The following FAM171B variants were observed in gnomAD, a reference collection of about 807,000 sequenced individuals.
FAM171B encodes protein FAM171B.
In FAM171B, 19 loss-of-function variants were observed where a neutral mutation model predicts 75.6. The ratio of observed to expected loss-of-function variants is 0.25; its 90% CI spans 0.18 to 0.37. The LOEUF is 0.37. Among genes scored for constraint, FAM171B ranks in the 10% least tolerant of loss-of-function variants. FAM171B has a pLI of 1.00. For missense variants in FAM171B, 848 were observed against 982.4 expected (o/e 0.86, Z 1.83); for synonymous variants, 367 against 361.7 (o/e 1.01, Z -0.17).
chr2:186,710,781 T>C (rs1689800157), intron 1 of FAM171B, among the ~76,000 whole-genome samples: 1 of 152,148 alleles, frequency 6.6e-6, no homozygotes, highest in Non-Finnish European at 1.5e-5. Context: ...TACTTGGAAA[T>C]ACACTGAAAC....
chr2:186,759,909 A>G (rs908919535), intron 6 of FAM171B, among the ~76,000 whole-genome samples: 1 of 152,010 alleles, frequency 6.6e-6, no homozygotes, highest in Non-Finnish European at 1.5e-5. Flanking sequence ...CAGTGATTTC[A>G]TAGTTTGAGG....
At position 186,720,499 on chromosome 2, in the gene FAM171B, C is replaced by T. The variant is rs368077203; in HGVS notation, c.239-19729C>T. Among the ~76,000 whole-genome samples, 12 of 152,236 alleles carry T rather than the reference C, an allele frequency of 7.9e-5. No individual in the cohort carries two copies. The East Asian group carries it at 1.2e-3, about 15-fold the overall frequency. Reference sequence around the variant, plus strand: ...AACAATTTGGTGAGTTTCTTGAATACATTACCGTGCTTATACAAATGTAGA... The same window carrying T: ...AACAATTTGGTGAGTTTCTTGAATATATTACCGTGCTTATACAAATGTAGA... On this transcript the variant is annotated intron_variant, in intron 1 of 7. Coordinates refer to ENST00000304698, the MANE Select transcript of FAM171B (RefSeq NM_177454.4).
At position 186,743,334 on chromosome 2, in the gene FAM171B, T is replaced by C. The variant is rs529402436; in HGVS notation, c.473-149T>C. 2.2e-5 allele frequency: 13 copies of C among 580,742 alleles called. No individual in the cohort carries two copies. The South Asian group carries it at 2.8e-4, about 13-fold the overall frequency. 36.0% of individuals were successfully genotyped at this position (580,742 alleles called of 1,614,324 possible). A position where few individuals can be genotyped will look rare whatever the true frequency, so the allele number is the denominator to read the frequency against. On this transcript the variant is annotated intron_variant, in intron 2 of 7. Transcript: ENST00000304698. ...TTCCTCCATCATATTTTACATTCAT[T>C]CTTCCTTTGTTTTGAATTGCTCTTC...
rs10660120 is a variant in FAM171B at position 186,736,538 on chromosome 2, CTGTG to C, written c.239-3665_239-3662del. ...GAGGTATACTGAAATATGTTTGTGG[CTGTG>C]TGTGTGTGTGTGTGTGTGTGTGTGG... On this transcript the variant is annotated intron_variant, in intron 1 of 7. Coordinates refer to ENST00000304698, the MANE Select transcript of FAM171B (RefSeq NM_177454.4). Among the ~76,000 whole-genome samples, 541 of 122,972 alleles carry C rather than the reference CTGTG, an allele frequency of 4.4e-3. 5 individuals carry two copies. The highest frequency in any genetic ancestry group is 0.015 in the African/African-American group (483 of 32,922). The allele number at this position is 122,972 out of a possible 152,430, so 80.7% of individuals were successfully genotyped here. A position where few individuals can be genotyped will look rare whatever the true frequency, so the allele number is the denominator to read the frequency against.
chr2:186,711,541 C>T lies in FAM171B; in HGVS notation c.238+17130C>T, dbSNP rs552459832. 9.2e-5 allele frequency among the ~76,000 whole-genome samples: 14 copies of T among 152,302 alleles called. 1 individual carries two copies. The South Asian group carries it at 2.9e-3, about 32-fold the overall frequency. ...TAATGGAAAGGATGAAGCCAGTACA[C>T]AGAAATGGAGTTCCTGGTTCCAGTC... On this transcript the variant is annotated intron_variant, in intron 1 of 7. Transcript: ENST00000304698.
At position 186,765,124 on chromosome 2, in the gene FAM171B, T is replaced by A. The variant is rs558657124; in HGVS notation, c.*2301T>A. ...TTTCTAATGATCAAAAGAGTGTGACTTCTCATTTGTGAGTAGTTCACAAAT... is the reference window on the plus strand; with the variant it reads ...TTTCTAATGATCAAAAGAGTGTGACATCTCATTTGTGAGTAGTTCACAAAT... On this transcript the variant is annotated 3_prime_UTR_variant, in exon 8 of 8. Coordinates refer to ENST00000304698, the MANE Select transcript of FAM171B (RefSeq NM_177454.4). 6.6e-6 allele frequency: 1 copy of A among 152,160 alleles called. No homozygotes were observed. Among genetic ancestry groups the A allele is most frequent in the South Asian group, 2.1e-4 (1 of 4,824 alleles). The allele number at this position is 152,160 out of a possible 1,614,324, so 9.4% of individuals were successfully genotyped here. A position where few individuals can be genotyped will look rare whatever the true frequency, so the allele number is the denominator to read the frequency against.
At chr2:186,758,477 A>T (rs1690566992) in intron 6 of FAM171B, among the ~76,000 whole-genome samples, 2 of 152,108 alleles carry the variant, frequency 1.3e-5, no homozygotes, top group African/African-American at 4.8e-5. Flanking sequence ...ATGTTTTCTC[A>T]TGGTAAAGAT....
chr2:186,761,082 ATT>A, intron 6 of FAM171B, 29 bp from the exon 7 acceptor site: 1 of 1,581,380 alleles, frequency 6.3e-7, no homozygotes, highest in Non-Finnish European at 8.6e-7. Context: ...CTAAAATAAC[ATT>A]TTCTCTTTGT....
intron 1 of FAM171B, among the ~76,000 whole-genome samples, chr2:186,718,206 G>A (rs536172875): frequency 6.6e-6 from 1 of 151,650 alleles, no homozygotes; most frequent in African/African-American, 2.4e-5. Flanking sequence ...ACTGTCTAAG[G>A]CCATTTTACA....
intron 1 of FAM171B, among the ~76,000 whole-genome samples, chr2:186,707,144 A>G (rs962860571): frequency 2.0e-5 from 3 of 152,168 alleles, no homozygotes; most frequent in Admixed American, 6.5e-5. Context: ...GATATATCAC[A>G]GGTATCACAG....
At chr2:186,699,062 G>A (rs1176601485) in intron 1 of FAM171B, among the ~76,000 whole-genome samples, 2 of 152,100 alleles carry the variant, frequency 1.3e-5, no homozygotes, top group Non-Finnish European at 2.9e-5. Flanking sequence ...AAATATTGGC[G>A]ATTGTGAATA....
chr2:186,749,713 C>T (rs1690422039), intron 4 of FAM171B, among the ~76,000 whole-genome samples: 1 of 152,216 alleles, frequency 6.6e-6, no homozygotes, highest in Admixed American at 6.5e-5. Flanking sequence ...CTGCTGCCCT[C>T]TAGCCCTGTG....
At chr2:186,754,232 G>GATATAA (rs1409232139) in intron 6 of FAM171B, among the ~76,000 whole-genome samples, 183 bp downstream of exon 6, 1 of 151,850 alleles carries the variant, frequency 6.6e-6, no homozygotes, top group Non-Finnish European at 1.5e-5. Context: ...TGAACTCTAA[G>GATATAA]GTCTCTTATA....
At chr2:186,696,050 C>A (rs1689573604) in intron 1 of FAM171B, among the ~76,000 whole-genome samples, 1 of 151,932 alleles carries the variant, frequency 6.6e-6, no homozygotes, top group South Asian at 2.1e-4. Context: ...AATATGAAAC[C>A]TGAATCCAGC....
chr2:186,743,855 T>C (rs1176556168), intron 3 of FAM171B, among the ~76,000 whole-genome samples: 5 of 152,206 alleles, frequency 3.3e-5, no homozygotes, highest in African/African-American at 1.2e-4. Flanking sequence ...CATTTCTTAC[T>C]GGGGCTTCCA....
Position 186,753,969 on chromosome 2 carries a change from A to G in FAM171B, c.932A>G (p.Glu311Gly). 1 of 1,613,690 alleles carries G rather than the reference A, an allele frequency of 6.2e-7. No individual in the cohort carries two copies. Among genetic ancestry groups the G allele is most frequent in the Non-Finnish European group, 8.5e-7 (1 of 1,179,778 alleles). The change falls in exon 6 of 8, where the codon GAA (glutamate) becomes GGA (glycine). Residue 311 changes from glutamate (E) to glycine (G), a missense_variant. Transcript: ENST00000304698. The part of the protein sequence containing the change: ...WVNHGRGMVK[E>G]HNNHLIWTYD... ...AATCATGGTCGGGGAATGGTCAAGG[A>G]ACATAACAATCATTTAATCTGGACA...
Position 186,762,856 on chromosome 2 carries a change from G to A in FAM171B, c.*33G>A. On this transcript the variant is annotated 3_prime_UTR_variant, in exon 8 of 8. Coordinates refer to ENST00000304698, the MANE Select transcript of FAM171B (RefSeq NM_177454.4). The surrounding 1 kb of genome is among the most constrained non-coding windows in gnomAD (Gnocchi z 4.0). ...GGGGATTGTGTGTCTGCTGTCTCGTGCTGTTTATTCTTGCTTCTTGTTGTA... is the reference window on the plus strand; with the variant it reads ...GGGGATTGTGTGTCTGCTGTCTCGTACTGTTTATTCTTGCTTCTTGTTGTA... 6.4e-7 allele frequency: 1 copy of A among 1,574,548 alleles called. No individual in the cohort carries two copies.
chr2:186,703,876 T>C lies in FAM171B; in HGVS notation c.238+9465T>C, dbSNP rs73979345. Among the ~76,000 whole-genome samples, 1,369 of 152,148 alleles carry C rather than the reference T, an allele frequency of 9.0e-3. 22 individuals carry two copies. Among genetic ancestry groups the C allele is most frequent in the African/African-American group, 0.03 (1,255 of 41,518 alleles). ...GTAAGAATGAAATAGATGAAGAACA[T>C]GCTTTTGTGTAAGGGGAAAAAATAT... On this transcript the variant is annotated intron_variant, in intron 1 of 7. Transcript: ENST00000304698.
At chr2:186,748,872 T>A (rs1690410640) in intron 4 of FAM171B, among the ~76,000 whole-genome samples, 1 of 152,134 alleles carries the variant, frequency 6.6e-6, no homozygotes, top group Admixed American at 6.6e-5. Flanking sequence ...TTTACTAGAA[T>A]GGTATCTGTA....
Sources: allele counts gnomAD v4.1 joint callset (sites outside exome capture counted in the v4.1 genomes callset), GRCh38; gene constraint gnomAD v4.1.1; non-coding constraint Gnocchi (gnomAD v3.1); transcripts MANE v1.5; gene names NCBI Gene and HGNC (gene_info 2026-07-23, HGNC 2026-07-21).